The following DGKD variants were observed in gnomAD, a reference collection of about 807,000 sequenced individuals.
The protein encoded by DGKD is diacylglycerol kinase delta.
DGKD carries 68 observed loss-of-function variants against 154.4 expected under a neutral mutation model. The ratio of observed to expected loss-of-function variants is 0.44; its 90% CI spans 0.36 to 0.54. The LOEUF (loss-of-function observed/expected upper bound fraction) is 0.54. DGKD is among the 20% of genes least tolerant of loss of function. The probability of loss-of-function intolerance (pLI) is 0.00; values close to 1 mark genes in which losing one functional copy is unlikely to be tolerated. For missense variants in DGKD, 1,343 were observed against 1,593.6 expected, an observed-to-expected ratio of 0.84 and a Z score of 2.68; for synonymous variants, 693 against 638.0, an observed-to-expected ratio of 1.09 and a Z score of -1.30.
intron 18 of DGKD, chr2:233,454,402 T>C (rs1276296644): frequency 2.1e-6 from 1 of 474,752 alleles, no homozygotes; most frequent in Non-Finnish European, 4.4e-6. Flanking sequence ...ATCCCATTCC[T>C]GTGAACTGCC....
chr2:233,421,823 A>G (rs2062125532), intron 3 of DGKD, among the ~76,000 whole-genome samples: 1 of 152,234 alleles, frequency 6.6e-6, no homozygotes, highest in African/African-American at 2.4e-5. Context: ...GCCTGCATTC[A>G]AATGTAACTT....
chr2:233,441,792 A>G lies in DGKD; in HGVS notation c.1086-95A>G. On this transcript the variant is annotated intron_variant, in intron 9 of 29. Coordinates refer to ENST00000264057, the MANE Select transcript of DGKD (RefSeq NM_152879.3). The surrounding 1 kb of genome is among the most constrained non-coding windows in gnomAD (Gnocchi z 5.6). ...CTGCCTCTGGTGCAGGTCAGCCATG[A>G]GGAGCACAGGTGGCCCCTCAGCCCC... 8.6e-7 allele frequency: 1 copy of G among 1,158,748 alleles called. No homozygotes were observed. Among genetic ancestry groups the G allele is most frequent in the Non-Finnish European group, 1.3e-6 (1 of 792,854 alleles). 71.8% of individuals were successfully genotyped at this position (1,158,748 alleles called of 1,614,324 possible). A position where few individuals can be genotyped will look rare whatever the true frequency, so the allele number is the denominator to read the frequency against.
intron 3 of DGKD, among the ~76,000 whole-genome samples, chr2:233,432,245 G>A (rs1360497526): frequency 9.8e-6 from 1 of 101,708 alleles, no homozygotes; most frequent in Non-Finnish European, 2.3e-5. Context: ...CAAAAAATTA[G>A]CCAGGCGTGG....
intron 10 of DGKD, among the ~76,000 whole-genome samples, chr2:233,443,135 T>A (rs902617096): frequency 2.0e-5 from 3 of 152,226 alleles, no homozygotes; most frequent in African/African-American, 7.2e-5. Context: ...CTGTGCCAGC[T>A]TCCATGCCTG....
intron 1 of DGKD, among the ~76,000 whole-genome samples, chr2:233,380,371 C>A (rs1328856340): frequency 6.6e-6 from 1 of 152,190 alleles, no homozygotes; most frequent in East Asian, 1.9e-4. Context: ...CGTTATCAGA[C>A]AGGAATGCAT....
intron 3 of DGKD, among the ~76,000 whole-genome samples, chr2:233,423,175 G>C (rs971719943): frequency 2.0e-5 from 3 of 152,068 alleles, no homozygotes; most frequent in African/African-American, 7.3e-5. Flanking sequence ...CATCCGAATA[G>C]TTTCCAGCTT....
At chr2:233,394,758 A>C (rs1386918701) in intron 3 of DGKD, among the ~76,000 whole-genome samples, 1 of 114,498 alleles carries the variant, frequency 8.7e-6, no homozygotes, top group African/African-American at 3.3e-5. Context: ...CTCAGGCTGG[A>C]ATGCGGTGGT....
At chr2:233,444,218 A>G (rs2062991101) in intron 10 of DGKD, among the ~76,000 whole-genome samples, 1 of 151,656 alleles carries the variant, frequency 6.6e-6, no homozygotes. Flanking sequence ...ATCCATCTAG[A>G]TGTCTGAGCC....
chr2:233,374,836 C>G (rs1049034512), intron 1 of DGKD, among the ~76,000 whole-genome samples: 1 of 150,990 alleles, frequency 6.6e-6, no homozygotes, highest in African/African-American at 2.4e-5. Flanking sequence ...GAGATAGAGT[C>G]TCTATAAAAG....
At chr2:233,401,274 C>G (rs1358419834) in intron 3 of DGKD, among the ~76,000 whole-genome samples, 2 of 152,062 alleles carry the variant, frequency 1.3e-5, no homozygotes, top group East Asian at 1.9e-4. Context: ...GTGTTTGTGC[C>G]TATTAACACT....
chr2:233,453,716 G>A (rs931302677), intron 18 of DGKD, among the ~76,000 whole-genome samples: 1 of 152,186 alleles, frequency 6.6e-6, no homozygotes, highest in Non-Finnish European at 1.5e-5. Flanking sequence ...ACTTGCCCTC[G>A]GGGGGAAACC....
At chr2:233,374,129 C>T (rs1702457216) in intron 1 of DGKD, among the ~76,000 whole-genome samples, 1 of 151,808 alleles carries the variant, frequency 6.6e-6, no homozygotes, top group Non-Finnish European at 1.5e-5. Context: ...CGGCTCACTG[C>T]AACCTCCACC....
chr2:233,391,939 T>C (rs560779238), intron 3 of DGKD: 1 of 152,334 alleles, frequency 6.6e-6, no homozygotes, highest in East Asian at 1.9e-4. Context: ...ACCACATAAA[T>C]AGATTTTTCT....
intron 3 of DGKD, among the ~76,000 whole-genome samples, chr2:233,407,267 A>G (rs1354319037): frequency 6.6e-6 from 1 of 152,242 alleles, no homozygotes; most frequent in Non-Finnish European, 1.5e-5. Flanking sequence ...AACGAGGCCA[A>G]CTTTACAGAT....
At chr2:233,422,944 C>G (rs1331484556) in intron 3 of DGKD, among the ~76,000 whole-genome samples, 1 of 152,180 alleles carries the variant, frequency 6.6e-6, no homozygotes, top group East Asian at 1.9e-4. Context: ...TAACCCCTGG[C>G]AAACACTCAT....
intron 3 of DGKD, among the ~76,000 whole-genome samples, chr2:233,428,554 A>G (rs146103227): frequency 8.5e-5 from 13 of 152,304 alleles, no homozygotes; most frequent in African/African-American, 2.9e-4. Flanking sequence ...CCTCACAACA[A>G]CAAGGCTAGG....
At chr2:233,454,248 G>A (rs2063382268) in intron 18 of DGKD, 21 of 390,050 alleles carry the variant, frequency 5.4e-5, no homozygotes, top group South Asian at 3.9e-4. Context: ...TGATGAGCAG[G>A]TCAATAGATG....
At chr2:233,420,772 G>A (rs1575084585) in intron 3 of DGKD, among the ~76,000 whole-genome samples, 1 of 152,310 alleles carries the variant, frequency 6.6e-6, no homozygotes, top group African/African-American at 2.4e-5. Context: ...TGACAGGCGC[G>A]GCCTGAGTTG....
chr2:233,359,967 C>T (rs1269222063), intron 1 of DGKD, among the ~76,000 whole-genome samples: 1 of 152,174 alleles, frequency 6.6e-6, no homozygotes, highest in Non-Finnish European at 1.5e-5. Context: ...GAGGCAGTGA[C>T]TGGCTGGGTC....
Sources: allele counts gnomAD v4.1 joint callset (sites outside exome capture counted in the v4.1 genomes callset), GRCh38; gene constraint gnomAD v4.1.1; non-coding constraint Gnocchi (gnomAD v3.1); transcripts MANE v1.5; gene names NCBI Gene and HGNC (gene_info 2026-07-23, HGNC 2026-07-21).